The following POU6F2 variants were observed in gnomAD, a reference collection of about 807,000 sequenced individuals.
POU6F2 encodes the protein POU domain, class 6, transcription factor 2.
In POU6F2, 31 loss-of-function variants were observed where a neutral mutation model predicts 71.3. The observed-to-expected ratio is 0.43, with a 90% CI of 0.33 to 0.59. The LOEUF (loss-of-function observed/expected upper bound fraction) is 0.59. Ranked by LOEUF, POU6F2 falls within the 20% of genes least tolerant of loss-of-function variation. The pLI is 0.04. For missense variants in POU6F2, 783 were observed against 856.8 expected (o/e 0.91, Z 1.07); for synonymous variants, 347 against 355.7 (o/e 0.98, Z 0.27).
intron 4 of POU6F2, among the ~76,000 whole-genome samples, chr7:39,291,508 G>A (rs771616183): frequency 1.9e-4 from 29 of 152,278 alleles, no homozygotes; most frequent in Admixed American, 2.6e-4. Flanking sequence ...GCTTTAGACC[G>A]GCTATGATTT....
intron 1 of POU6F2, among the ~76,000 whole-genome samples, chr7:39,059,254 T>TAGGAA (rs1368867373): frequency 6.6e-6 from 1 of 151,954 alleles, no homozygotes; most frequent in African/African-American, 2.4e-5. Flanking sequence ...ATAAGATAAT[T>TAGGAA]AGGAAAGGAA....
intron 8 of POU6F2, among the ~76,000 whole-genome samples, chr7:39,457,950 C>T (rs954242245): frequency 6.6e-6 from 1 of 152,120 alleles, no homozygotes; most frequent in African/African-American, 2.4e-5. Context: ...TATCACCCCA[C>T]TCCCCCTGCA....
intron 4 of POU6F2, among the ~76,000 whole-genome samples, chr7:39,315,628 T>A (rs1785250279): frequency 6.6e-6 from 1 of 152,200 alleles, no homozygotes; most frequent in African/African-American, 2.4e-5. Flanking sequence ...TCTGCTTTAA[T>A]CCTCTTTATT....
At chr7:39,439,291 A>T (rs1326140114) in intron 7 of POU6F2, among the ~76,000 whole-genome samples, 1 of 151,892 alleles carries the variant, frequency 6.6e-6, no homozygotes, top group Non-Finnish European at 1.5e-5. Context: ...CAACACACCG[A>T]TGGGTCTTGA....
intron 2 of POU6F2, among the ~76,000 whole-genome samples, chr7:39,126,206 G>T (rs1792134245): frequency 6.6e-6 from 1 of 152,204 alleles, no homozygotes; most frequent in African/African-American, 2.4e-5. Flanking sequence ...CTTGGCTAAG[G>T]TATAAGGTAT....
At chr7:39,052,153 G>T (rs1235023667) in intron 1 of POU6F2, among the ~76,000 whole-genome samples, 1 of 152,110 alleles carries the variant, frequency 6.6e-6, no homozygotes, top group Non-Finnish European at 1.5e-5. Context: ...TGTCTTTCCA[G>T]TGTGACAGGA....
At chr7:39,246,904 G>GTTTTTTTTTTTTTTT (rs1584623209) in intron 4 of POU6F2, among the ~76,000 whole-genome samples, 1 of 85,390 alleles carries the variant, frequency 1.2e-5, no homozygotes, top group African/African-American at 5.5e-5. Flanking sequence ...ATCCAGGGTG[G>GTTTTTTTTTTTTTTT]CTTTTTTTTT....
chr7:39,223,740 G>A (rs1584610721), intron 4 of POU6F2, among the ~76,000 whole-genome samples: 1 of 152,086 alleles, frequency 6.6e-6, no homozygotes, highest in African/African-American at 2.4e-5. Context: ...TGTCAAGAAC[G>A]TGTCTGCCAT....
At chr7:39,040,303 A>G (rs1790167000) in intron 1 of POU6F2, among the ~76,000 whole-genome samples, 2 of 150,200 alleles carry the variant, frequency 1.3e-5, no homozygotes, top group African/African-American at 2.4e-5. Context: ...AAATCTATCT[A>G]TATATTTTTA....
chr7:39,380,804 G>A (rs942940666), intron 5 of POU6F2, among the ~76,000 whole-genome samples: 3 of 152,046 alleles, frequency 2.0e-5, no homozygotes, highest in South Asian at 2.1e-4. Flanking sequence ...TAATGACTTC[G>A]CTGAGACAAG....
At chr7:39,406,321 C>T (rs1787426031) in intron 5 of POU6F2, 1 of 435,798 alleles carries the variant, frequency 2.3e-6, no homozygotes, top group African/African-American at 2.0e-5. Context: ...AAGGTCCTAA[C>T]AGCCCACCTC....
chr7:39,395,667 A>G (rs1400263619), intron 5 of POU6F2, among the ~76,000 whole-genome samples: 1 of 152,236 alleles, frequency 6.6e-6, no homozygotes, highest in Non-Finnish European at 1.5e-5. Flanking sequence ...TTGAAGCTCC[A>G]GAAAGAACCT....
At chr7:39,278,895 ACCT>A (rs757423129) in intron 4 of POU6F2, among the ~76,000 whole-genome samples, 1 of 149,964 alleles carries the variant, frequency 6.7e-6, no homozygotes, top group East Asian at 2.0e-4. Flanking sequence ...TGAAACTCAA[ACCT>A]CCTTCTCCCT....
chr7:39,248,944 A>G (rs73380919), intron 4 of POU6F2, among the ~76,000 whole-genome samples: 2,261 of 152,190 alleles, frequency 0.015, 52 homozygotes, highest in African/African-American at 0.051. Context: ...ATGCTTTTTC[A>G]TGGCTCACCC....
intron 2 of POU6F2, among the ~76,000 whole-genome samples, chr7:39,133,686 T>A (rs111673378): frequency 3.3e-5 from 5 of 152,322 alleles, no homozygotes; most frequent in African/African-American, 1.2e-4. Context: ...CTCCTTAGTG[T>A]CAACCTAACA....
At chr7:39,207,018 CA>C (rs1485941345) in intron 3 of POU6F2, among the ~76,000 whole-genome samples, 2 of 152,036 alleles carry the variant, frequency 1.3e-5, no homozygotes, top group Non-Finnish European at 2.9e-5. Context: ...CTTTTTGAAT[CA>C]AAAAATCCCA....
chr7:39,163,084 A>G (rs1793031980), intron 2 of POU6F2, among the ~76,000 whole-genome samples: 2 of 152,188 alleles, frequency 1.3e-5, no homozygotes, highest in South Asian at 4.1e-4. Flanking sequence ...TCTCTTAATC[A>G]AAGACAATTT....
intron 1 of POU6F2, among the ~76,000 whole-genome samples, chr7:39,066,692 C>A (rs1027642766): frequency 6.6e-6 from 1 of 150,860 alleles, no homozygotes; most frequent in Non-Finnish European, 1.5e-5. Context: ...GATGGTAACA[C>A]TGAATATTAT....
At chr7:39,052,543 A>G (rs1442443165) in intron 1 of POU6F2, among the ~76,000 whole-genome samples, 1 of 152,088 alleles carries the variant, frequency 6.6e-6, no homozygotes. Flanking sequence ...TCACAAGAAC[A>G]GCATGGGAGA....
Sources: allele counts gnomAD v4.1 joint callset (sites outside exome capture counted in the v4.1 genomes callset), GRCh38; gene constraint gnomAD v4.1.1; transcripts MANE v1.5; gene names NCBI Gene and HGNC (gene_info 2026-07-23, HGNC 2026-07-21).